Variants in ADGRB3 observed in about 807,000 individuals in gnomAD.
ADGRB3 encodes the protein brain-specific angiogenesis inhibitor 3.
In ADGRB3, 37 loss-of-function variants were observed where a neutral mutation model predicts 193.4. The ratio of observed to expected loss-of-function variants is 0.19; its 90% CI spans 0.15 to 0.25. The LOEUF (loss-of-function observed/expected upper bound fraction) is 0.25, where lower values mean the gene tolerates loss of function less well. Among genes scored for constraint, ADGRB3 ranks in the 10% least tolerant of loss-of-function variants. ADGRB3 has a pLI of 1.00. For synonymous variants in ADGRB3, 690 were observed against 644.2 expected (o/e 1.07, Z -1.08); for missense variants, 1,637 against 1,852.9 (o/e 0.88, Z 2.14).
At chr6:69,049,233 T>G (rs1188714534) in intron 14 of ADGRB3, 38 bp from the exon 15 acceptor site, 2 of 1,428,696 alleles carry the variant, frequency 1.4e-6, no homozygotes, top group East Asian at 4.6e-5. Flanking sequence ...TAGTATTTTC[T>G]TGCTGTTTGC....
chr6:69,064,761 G>T (rs1439890664), intron 16 of ADGRB3, among the ~76,000 whole-genome samples: 1 of 151,954 alleles, frequency 6.6e-6, no homozygotes, highest in African/African-American at 2.4e-5. Flanking sequence ...CTTTGATAAA[G>T]ATGAAATCAT....
At chr6:68,642,739 T>C (rs1161710110) in intron 3 of ADGRB3, among the ~76,000 whole-genome samples, 1 of 151,678 alleles carries the variant, frequency 6.6e-6, no homozygotes, top group Non-Finnish European at 1.5e-5. Flanking sequence ...TTTTTTTTTT[T>C]TCCAAATAAA....
At chr6:68,905,324 A>G (rs566568918) in intron 3 of ADGRB3, among the ~76,000 whole-genome samples, 2 of 152,302 alleles carry the variant, frequency 1.3e-5, no homozygotes, top group African/African-American at 2.4e-5. Flanking sequence ...TTTCCAGCTG[A>G]CATGAACTTC....
intron 23 of ADGRB3, chr6:69,331,732 A>G (rs909801879): frequency 2.0e-6 from 2 of 985,096 alleles, no homozygotes; most frequent in African/African-American, 3.5e-5. Flanking sequence ...ATATAACACT[A>G]AAATGAAGAA....
At chr6:69,237,908 G>T (rs896348485) in intron 19 of ADGRB3, among the ~76,000 whole-genome samples, 1 of 152,006 alleles carries the variant, frequency 6.6e-6, no homozygotes. Context: ...CAGCAACCCT[G>T]AGGCCATTTT....
chr6:68,966,368 G>T (rs1017523927), intron 8 of ADGRB3, among the ~76,000 whole-genome samples: 1 of 151,898 alleles, frequency 6.6e-6, no homozygotes, highest in Non-Finnish European at 1.5e-5. Context: ...AATTTCCCTT[G>T]CCCCTAATAT....
At chr6:69,048,133 A>G (rs1004343140) in intron 13 of ADGRB3, 52 bp from the exon 14 acceptor site, 5 of 1,552,674 alleles carry the variant, frequency 3.2e-6, no homozygotes, top group Admixed American at 1.8e-5. Context: ...AACACTGATT[A>G]CACTAAAATG....
chr6:68,930,801 C>G, intron 4 of ADGRB3, 132 bp downstream of exon 4: 1 of 647,636 alleles, frequency 1.5e-6, no homozygotes, highest in Admixed American at 3.2e-5. Flanking sequence ...TTTTTGTCAC[C>G]AGTTAAAGTC....
intron 29 of ADGRB3, among the ~76,000 whole-genome samples, chr6:69,365,058 G>T (rs1334239039): frequency 6.6e-6 from 1 of 152,094 alleles, no homozygotes; most frequent in Non-Finnish European, 1.5e-5. Flanking sequence ...TTAGCAGGTT[G>T]TAGAAGTTAG....
intron 17 of ADGRB3, among the ~76,000 whole-genome samples, chr6:69,199,042 G>T (rs1166732254): frequency 6.6e-6 from 1 of 152,124 alleles, no homozygotes; most frequent in Admixed American, 6.6e-5. Flanking sequence ...AGCAGGCAAG[G>T]ACACCAGTGG....
At chr6:69,205,222 T>C (rs2150359134) in intron 17 of ADGRB3, among the ~76,000 whole-genome samples, 1 of 152,222 alleles carries the variant, frequency 6.6e-6, no homozygotes, top group East Asian at 1.9e-4. Flanking sequence ...TTTATTTAAC[T>C]CAATTCACCT....
In ADGRB3 at chr6:68,826,269, G is replaced by C. The variant is rs572469369; in HGVS notation, c.758-104290G>C. On this transcript the variant is annotated intron_variant, in intron 3 of 31. Coordinates refer to ENST00000370598, the MANE Select transcript of ADGRB3 (RefSeq NM_001704.3). ...TAAGGAAAAGAGTATAGAGAGTGTCGGTATGGGCAGAAAGTACACCTTGAA... is the reference window on the plus strand; with the variant it reads ...TAAGGAAAAGAGTATAGAGAGTGTCCGTATGGGCAGAAAGTACACCTTGAA... Among the ~76,000 whole-genome samples the C allele has an allele frequency of 2.0e-5, 3 of 152,230 alleles. No homozygotes were observed. The East Asian group carries it at 5.8e-4, about 29-fold the overall frequency.
chr6:69,143,003 T>C (rs1350568023), intron 17 of ADGRB3, among the ~76,000 whole-genome samples: 3 of 152,200 alleles, frequency 2.0e-5, no homozygotes, highest in African/African-American at 7.2e-5. Context: ...CCACCAACAG[T>C]GGATGAAGGT....
rs190444502 is a variant in ADGRB3 at position 68,865,354 on chromosome 6, C to T, written c.758-65205C>T. ...TTCCCAAGCACAAACTTATCCAAGG[C>T]TGAGGGATCTGAAGTTATAAGGGAA... is the stretch of plus-strand genomic sequence containing the variant. On this transcript the variant is annotated intron_variant, in intron 3 of 31. Transcript: ENST00000370598. Among the ~76,000 whole-genome samples, 39 of 152,170 alleles carry T rather than the reference C, an allele frequency of 2.6e-4. 1 individual carries two copies. The East Asian group carries it at 7.4e-3, about 29-fold the overall frequency.
chr6:68,978,308 G>A (rs1230049983), intron 10 of ADGRB3, among the ~76,000 whole-genome samples: 3 of 138,620 alleles, frequency 2.2e-5, no homozygotes, highest in Non-Finnish European at 4.7e-5. Context: ...GGTTGGATAG[G>A]TAGGTAGGTA....
At chr6:68,777,184 G>A (rs960251509) in intron 3 of ADGRB3, among the ~76,000 whole-genome samples, 59 of 152,102 alleles carry the variant, frequency 3.9e-4, no homozygotes, top group African/African-American at 1.3e-3. Context: ...CACTGTAATA[G>A]CATGTAAGTG....
chr6:69,288,412 G>A, intron 20 of ADGRB3, among the ~76,000 whole-genome samples: 1 of 152,118 alleles, frequency 6.6e-6, no homozygotes, highest in Non-Finnish European at 1.5e-5. Context: ...ATTCCATGGT[G>A]TATATGTACC....
At chr6:68,916,157 A>G (rs1029949032) in intron 3 of ADGRB3, among the ~76,000 whole-genome samples, 2 of 152,102 alleles carry the variant, frequency 1.3e-5, no homozygotes, top group Non-Finnish European at 2.9e-5. Context: ...AACTATGAAT[A>G]AGAAAGAATG....
intron 3 of ADGRB3, among the ~76,000 whole-genome samples, chr6:68,787,675 A>G (rs898171237): frequency 4.6e-5 from 7 of 152,170 alleles, no homozygotes; most frequent in Admixed American, 4.6e-4. Context: ...TCATAAAATG[A>G]GTTAGGGAGG....
Sources: gnomAD v4.1 joint callset for allele counts (sites outside exome capture counted in the v4.1 genomes callset) on GRCh38, gnomAD v4.1.1 for gene constraint, MANE v1.5 for transcripts, NCBI Gene and HGNC (gene_info 2026-07-23, HGNC 2026-07-21) for gene names.